Variants in ZFYVE9 observed in about 807,000 individuals in gnomAD.
ZFYVE9 encodes zinc finger FYVE-type containing 9, also known as zinc finger FYVE domain-containing protein 9.
In ZFYVE9, 43 loss-of-function variants were observed where a neutral mutation model predicts 126.7. That is an observed-to-expected ratio of 0.34 (90% CI 0.27 to 0.44). ZFYVE9 has a LOEUF of 0.44. Among genes scored for constraint, ZFYVE9 ranks in the 20% least tolerant of loss-of-function variants. The probability of loss-of-function intolerance (pLI) is 1.00; values close to 1 mark genes in which losing one functional copy is unlikely to be tolerated. For synonymous variants in ZFYVE9, 521 were observed against 597.4 expected, an observed-to-expected ratio of 0.87 and a Z score of 1.87; for missense variants, 1,476 against 1,697.0, an observed-to-expected ratio of 0.87 and a Z score of 2.29.
chr1:52,176,826 G>A (rs548090292), intron 1 of ZFYVE9, among the ~76,000 whole-genome samples: 4 of 152,300 alleles, frequency 2.6e-5, no homozygotes, highest in South Asian at 2.1e-4. Context: ...CTGGTGCGCC[G>A]TTTCCTAAGC....
chr1:52,170,857 T>G (rs1644561111), intron 1 of ZFYVE9, among the ~76,000 whole-genome samples: 1 of 152,176 alleles, frequency 6.6e-6, no homozygotes, highest in Non-Finnish European at 1.5e-5. Context: ...TTTTAAGGCT[T>G]GTTTTGTGAC....
chr1:52,150,795 GAT>G (rs1331418512), intron 1 of ZFYVE9, among the ~76,000 whole-genome samples: 1 of 149,872 alleles, frequency 6.7e-6, no homozygotes, highest in Non-Finnish European at 1.5e-5. Context: ...AAGAAGAAAA[GAT>G]AGAACAAGCA....
At chr1:52,254,010 G>A in intron 4 of ZFYVE9, 1 of 774,378 alleles carries the variant, frequency 1.3e-6, no homozygotes, top group Non-Finnish European at 2.3e-6. Context: ...ATCATAGGAA[G>A]CCAACTTGGA....
chr1:52,309,508 G>A (rs1469409008), intron 13 of ZFYVE9, among the ~76,000 whole-genome samples: 1 of 151,836 alleles, frequency 6.6e-6, no homozygotes, highest in African/African-American at 2.4e-5. Context: ...AAAAAGGGCA[G>A]AAAAGACCTT....
intron 1 of ZFYVE9, among the ~76,000 whole-genome samples, chr1:52,157,687 T>G (rs1557428440): frequency 2.0e-5 from 3 of 152,130 alleles, no homozygotes; most frequent in Non-Finnish European, 4.4e-5. Flanking sequence ...ATTACAGGAA[T>G]GAGCCACATT....
In ZFYVE9 at chr1:52,340,757, G is replaced by A. The variant is rs146484321; in HGVS notation, c.3939+526G>A. Among the ~76,000 whole-genome samples, 598 of 151,808 alleles carry A rather than the reference G, an allele frequency of 3.9e-3. 3 individuals carry two copies. Among genetic ancestry groups the A allele is most frequent in the African/African-American group, 0.014 (569 of 41,376 alleles). On this transcript the variant is annotated intron_variant, in intron 17 of 18. Transcript: ENST00000287727. Reference sequence around the variant, plus strand: ...CCCACTAAAAATACAAAAATTAGCCGAGGCATGGTGGTGCACACCTGTAGT... The same window carrying A: ...CCCACTAAAAATACAAAAATTAGCCAAGGCATGGTGGTGCACACCTGTAGT...
intron 4 of ZFYVE9, among the ~76,000 whole-genome samples, chr1:52,254,378 TAAAA>T (rs35072882): frequency 3.3e-5 from 4 of 120,686 alleles, no homozygotes; most frequent in East Asian, 2.4e-4. Context: ...TTTACATTAC[TAAAA>T]AAAAAAAAAA....
At chr1:52,193,906 T>C (rs1644838310) in intron 1 of ZFYVE9, among the ~76,000 whole-genome samples, 1 of 152,084 alleles carries the variant, frequency 6.6e-6, no homozygotes, top group Admixed American at 6.6e-5. Flanking sequence ...TGCTTATTCG[T>C]GCTTTATATA....
chr1:52,302,622 A>G (rs1646045987), intron 12 of ZFYVE9, among the ~76,000 whole-genome samples: 2 of 152,046 alleles, frequency 1.3e-5, no homozygotes, highest in African/African-American at 4.8e-5. Context: ...CTGGTGGTGC[A>G]TTCCTGTAAT....
chr1:52,346,232 C>G lies in ZFYVE9; in HGVS notation c.*11C>G, dbSNP rs973031818. On this transcript the variant is annotated 3_prime_UTR_variant, in exon 19 of 19. Transcript: ENST00000287727. ...GAAAACATCGTATAAACAGAGAAGA[C>G]TTCATTTTTTTCTGTTCAGACTTGT... The G allele has an allele frequency of 2.5e-6, 4 of 1,569,216 alleles. No individual in the cohort carries two copies. Among genetic ancestry groups the G allele is most frequent in the Non-Finnish European group, 3.5e-6 (4 of 1,152,330 alleles).
At position 52,237,639 on chromosome 1, in the gene ZFYVE9, G is replaced by T. The variant is rs1414209329; in HGVS notation, c.222G>T (p.Leu74=). The T allele has an allele frequency of 9.9e-6, 16 of 1,613,950 alleles. No individual in the cohort carries two copies. The highest frequency in any genetic ancestry group is 1.4e-5 in the Non-Finnish European group (16 of 1,179,970). Residue 74 remains leucine (L), a synonymous_variant, in exon 4 of 19, where the codon CTG becomes CTT. Transcript: ENST00000287727. Reference sequence around the variant, plus strand: ...AACCACAACTGAAAGTCTTCTCCCTGGCTCATTCAGCTCCCCTGACCACAG... The same window carrying T: ...AACCACAACTGAAAGTCTTCTCCCTTGCTCATTCAGCTCCCCTGACCACAG... ...ESQPQLKVFS[L]AHSAPLTTEE...
chr1:52,251,986 AT>A (rs201430657), intron 4 of ZFYVE9: 1,008 of 145,934 alleles, frequency 6.9e-3, no homozygotes, highest in Middle Eastern at 7.2e-3. Context: ...GCGTTGAGGC[AT>A]TTTTTTTTTT....
chr1:52,307,331 A>G (rs1273447648), intron 13 of ZFYVE9, among the ~76,000 whole-genome samples: 6 of 151,600 alleles, frequency 4.0e-5, no homozygotes, highest in African/African-American at 1.5e-4. Context: ...CGCCTCCAGG[A>G]TTCAAGCAAT....
chr1:52,272,677 T>TC (rs1436866442), intron 7 of ZFYVE9, among the ~76,000 whole-genome samples: 1 of 144,016 alleles, frequency 6.9e-6, no homozygotes, highest in East Asian at 2.0e-4. Flanking sequence ...AATAATCTTT[T>TC]TTTTTTTTTT....
chr1:52,336,821 C>T (rs955510346), intron 15 of ZFYVE9, among the ~76,000 whole-genome samples: 1 of 151,930 alleles, frequency 6.6e-6, no homozygotes, highest in Non-Finnish European at 1.5e-5. Context: ...GTGGCATACA[C>T]CTATAGTACC....
Position 52,233,278 on chromosome 1 carries a change from T to C in ZFYVE9, c.70+2T>C. 1 of 1,573,664 alleles carries C rather than the reference T, an allele frequency of 6.4e-7. No individual in the cohort carries two copies. Reference sequence around the variant, plus strand: ...TAGATGAATTTGAACAAAACGAAGGTGAGAATTTATATTGGTGAATCTGTT... The same window carrying C: ...TAGATGAATTTGAACAAAACGAAGGCGAGAATTTATATTGGTGAATCTGTT... On this transcript the variant is annotated splice_donor_variant, in intron 3 of 18. Transcript: ENST00000287727. LOFTEE classifies it high-confidence loss of function.
At chr1:52,338,749 C>CG (rs1646410806) in intron 16 of ZFYVE9, among the ~76,000 whole-genome samples, 1 of 152,146 alleles carries the variant, frequency 6.6e-6, no homozygotes, top group Non-Finnish European at 1.5e-5. Context: ...TGGTGGCTCA[C>CG]GCCTGTAATC....
intron 1 of ZFYVE9, among the ~76,000 whole-genome samples, chr1:52,189,694 A>G (rs201743196): frequency 2.5e-5 from 3 of 119,906 alleles, no homozygotes; most frequent in African/African-American, 8.3e-5. Context: ...TTTTTTTTTT[A>G]AACTTGTGCT....
At chr1:52,339,411 G>C (rs1231404334) in intron 16 of ZFYVE9, among the ~76,000 whole-genome samples, 1 of 151,830 alleles carries the variant, frequency 6.6e-6, no homozygotes, top group African/African-American at 2.4e-5. Flanking sequence ...GCCTCAGCCT[G>C]CCCAGTAGCT....
Sources: gnomAD v4.1 joint callset for allele counts (sites outside exome capture counted in the v4.1 genomes callset) on GRCh38, gnomAD v4.1.1 for gene constraint, MANE v1.5 for transcripts, NCBI Gene and HGNC (gene_info 2026-07-23, HGNC 2026-07-21) for gene names.